Variants in DAP observed in about 807,000 individuals in gnomAD.
The protein encoded by DAP is death associated protein.
Under a neutral mutation model 13.8 loss-of-function variants are expected in DAP, and 8 were observed. That is an observed-to-expected ratio of 0.58 (90% confidence interval 0.34 to 1.05). The LOEUF (loss-of-function observed/expected upper bound fraction) is 1.05, where lower values mean the gene tolerates loss of function less well. DAP is among the 50% of genes least tolerant of loss of function. The pLI, the probability that DAP is intolerant of heterozygous loss-of-function variation, is 0.03. For synonymous variants in DAP, 47 were observed against 47.5 expected (o/e 0.99, Z 0.04); for missense variants, 106 against 133.2 (o/e 0.80, Z 1.01).
chr5:10,756,667 C>T (rs958448352), intron 1 of DAP, among the ~76,000 whole-genome samples: 1 of 152,144 alleles, frequency 6.6e-6, no homozygotes, highest in Non-Finnish European at 1.5e-5. Flanking sequence ...GAGAACTCTA[C>T]TGACACATGG....
chr5:10,707,102 G>A lies in DAP; in HGVS notation c.153-23531C>T, dbSNP rs996897172. Reference sequence around the variant, plus strand: ...CCAAGTCAGTCGGCCAGTTTGCAACGTCTGAGGTGGCTGGGGCTCAATGTC... The same window carrying A: ...CCAAGTCAGTCGGCCAGTTTGCAACATCTGAGGTGGCTGGGGCTCAATGTC... On this transcript the variant is annotated intron_variant, in intron 2 of 3. Coordinates refer to ENST00000230895, the MANE Select transcript of DAP (RefSeq NM_004394.3). The surrounding 1 kb of genome is among the most constrained non-coding windows in gnomAD (Gnocchi z 4.0). Among the ~76,000 whole-genome samples the A allele has an allele frequency of 2.6e-5, 4 of 152,218 alleles. No individual in the cohort carries two copies. The highest frequency in any genetic ancestry group is 4.8e-5 in the African/African-American group (2 of 41,452).
At chr5:10,723,612 T>G (rs1739213041) in intron 2 of DAP, among the ~76,000 whole-genome samples, 1 of 152,228 alleles carries the variant, frequency 6.6e-6, no homozygotes, top group African/African-American at 2.4e-5. Context: ...AAACAATTCT[T>G]GAGCATTTTA....
chr5:10,688,662 GAC>G (rs372946276), intron 2 of DAP, among the ~76,000 whole-genome samples: 8 of 152,112 alleles, frequency 5.3e-5, no homozygotes, highest in Non-Finnish European at 4.4e-5. Context: ...TATAAAGATT[GAC>G]ACACACACAC....
intron 2 of DAP, among the ~76,000 whole-genome samples, chr5:10,706,969 T>C (rs1468539905): frequency 1.3e-5 from 2 of 152,184 alleles, no homozygotes; most frequent in East Asian, 3.8e-4. Flanking sequence ...TCCTCCTTTC[T>C]TGATCTGAAT....
At chr5:10,699,638 C>T (rs1190267495) in intron 2 of DAP, among the ~76,000 whole-genome samples, 1 of 152,228 alleles carries the variant, frequency 6.6e-6, no homozygotes, top group Non-Finnish European at 1.5e-5. Flanking sequence ...GACTGATCCT[C>T]CATCAGGGAT....
chr5:10,683,687 A>G (rs1039395174), intron 2 of DAP, 116 bp from the exon 3 acceptor site: 2 of 907,846 alleles, frequency 2.2e-6, no homozygotes, highest in African/African-American at 3.3e-5. Flanking sequence ...GCAGAATGGG[A>G]AGCAAACCTC....
chr5:10,752,373 T>C (rs2111393979), intron 1 of DAP, among the ~76,000 whole-genome samples: 1 of 152,388 alleles, frequency 6.6e-6, no homozygotes, highest in Non-Finnish European at 1.5e-5. Context: ...CACATATTTA[T>C]TGTGATTGTT....
intron 2 of DAP, among the ~76,000 whole-genome samples, chr5:10,700,560 C>T (rs1188800851): frequency 2.6e-5 from 4 of 152,180 alleles, no homozygotes; most frequent in African/African-American, 7.2e-5. Context: ...GGCACTGTTG[C>T]GCCCCAGGGG....
At chr5:10,746,634 C>A (rs17769408) in intron 2 of DAP, among the ~76,000 whole-genome samples, 1 of 152,134 alleles carries the variant, frequency 6.6e-6, no homozygotes, top group Non-Finnish European at 1.5e-5. Context: ...CCGGACAATT[C>A]TAGCATTTTC....
chr5:10,754,502 G>C (rs941413519), intron 1 of DAP, among the ~76,000 whole-genome samples: 5 of 152,174 alleles, frequency 3.3e-5, no homozygotes, highest in African/African-American at 9.7e-5. Flanking sequence ...ATGAAGTTCA[G>C]AGACATAGTG....
intron 2 of DAP, among the ~76,000 whole-genome samples, chr5:10,726,001 G>C (rs1417399010): frequency 6.6e-6 from 1 of 152,224 alleles, no homozygotes; most frequent in Non-Finnish European, 1.5e-5. Flanking sequence ...GAATACTGCT[G>C]AATTGCTTAA....
chr5:10,701,389 T>A (rs564209826), intron 2 of DAP, among the ~76,000 whole-genome samples: 11 of 152,178 alleles, frequency 7.2e-5, no homozygotes, highest in Non-Finnish European at 1.5e-4. Context: ...CCTCAGCATT[T>A]GCCTCAATAA....
At position 10,681,149 on chromosome 5, in the gene DAP, C is replaced by T. The variant is rs77265616; in HGVS notation, c.216G>A (p.Pro72=). The T allele has an allele frequency of 8.4e-5, 128 of 1,518,148 alleles. No homozygotes were observed. Among genetic ancestry groups the T allele is most frequent in the East Asian group, 6.2e-4 (27 of 43,560 alleles). 94.0% of individuals were successfully genotyped at this position (1,518,148 alleles called of 1,614,324 possible). Residue 72 remains proline (P), a synonymous_variant, in exon 4 of 4, where the codon CCG becomes CCA. Transcript: ENST00000230895. ...TCTGGTGAGCCACCTGCGCAGCCGC[C>T]GGGGGGAAATCTTTGTCACCCTGTC... The part of the protein sequence containing the change: ...VIARGDKDFP[P]AAAQVAHQKP...
At chr5:10,698,006 G>A (rs1353377898) in intron 2 of DAP, among the ~76,000 whole-genome samples, 1 of 152,122 alleles carries the variant, frequency 6.6e-6, no homozygotes, top group Non-Finnish European at 1.5e-5. Flanking sequence ...GTGGACTCAG[G>A]TCAGGGACAC....
intron 2 of DAP, among the ~76,000 whole-genome samples, chr5:10,694,849 C>G (rs545931872): frequency 1.8e-4 from 28 of 152,270 alleles, no homozygotes; most frequent in African/African-American, 6.3e-4. Flanking sequence ...CAGGAAAGCA[C>G]AGAGCCTGCA....
At chr5:10,740,044 AT>A (rs1413506347) in intron 2 of DAP, among the ~76,000 whole-genome samples, 1 of 152,230 alleles carries the variant, frequency 6.6e-6, no homozygotes, top group Non-Finnish European at 1.5e-5. Flanking sequence ...TCAGATGAAG[AT>A]TTAAAATAAC....
chr5:10,758,322 T>C (rs1740245644), intron 1 of DAP, among the ~76,000 whole-genome samples: 5 of 151,740 alleles, frequency 3.3e-5, no homozygotes, highest in Admixed American at 3.3e-4. Flanking sequence ...CATGGTCCTC[T>C]GTAACATCTA....
intron 2 of DAP, among the ~76,000 whole-genome samples, chr5:10,691,994 G>T (rs1003395807): frequency 7.9e-5 from 12 of 152,136 alleles, no homozygotes; most frequent in African/African-American, 2.9e-4. Context: ...GCATTCTGTG[G>T]AAACTGCAGA....
At chr5:10,741,383 G>C (rs1041442959) in intron 2 of DAP, among the ~76,000 whole-genome samples, 9 of 152,124 alleles carry the variant, frequency 5.9e-5, no homozygotes, top group African/African-American at 2.2e-4. Context: ...GGGGGCTGTG[G>C]TAGGAGTATT....
Sources: gnomAD v4.1 joint callset for allele counts (sites outside exome capture counted in the v4.1 genomes callset) on GRCh38, gnomAD v4.1.1 for gene constraint, Gnocchi (gnomAD v3.1) non-coding constraint, MANE v1.5 for transcripts, NCBI Gene and HGNC (gene_info 2026-07-23, HGNC 2026-07-21) for gene names.